Variants in LAMA1 observed in about 807,000 individuals in gnomAD.
The protein encoded by LAMA1 is laminin subunit alpha-1.
A neutral mutation model predicts 348.7 loss-of-function variants in LAMA1; 219 were observed. The ratio of observed to expected loss-of-function variants is 0.63; its 90% CI spans 0.56 to 0.70. The LOEUF (loss-of-function observed/expected upper bound fraction) is 0.70, where lower values mean the gene tolerates loss of function less well. LAMA1 is among the 30% of genes least tolerant of loss of function. The probability of loss-of-function intolerance (pLI) is 0.00; values close to 1 mark genes in which losing one functional copy is unlikely to be tolerated. For synonymous variants in LAMA1, 1,487 were observed against 1,491.0 expected (o/e 1.00, Z 0.06); for missense variants, 3,744 against 3,888.0 (o/e 0.96, Z 0.99).
At chr18:7,046,407 G>T in intron 5 of LAMA1, 40 bp from the exon 6 acceptor site, 3 of 1,217,688 alleles carry the variant, frequency 2.5e-6, no homozygotes, top group South Asian at 1.3e-5. Context: ...TTAAAACCTA[G>T]ATTTCAGTGA....
At chr18:7,113,307 G>A (rs1477652679) in intron 1 of LAMA1, among the ~76,000 whole-genome samples, 1 of 152,226 alleles carries the variant, frequency 6.6e-6, no homozygotes, top group Non-Finnish European at 1.5e-5. Flanking sequence ...ATAGGTGCAG[G>A]CGTATCCCAG....
At chr18:7,027,154 T>C (rs1055262950) in intron 16 of LAMA1, among the ~76,000 whole-genome samples, 14 of 152,086 alleles carry the variant, frequency 9.2e-5, no homozygotes, top group Admixed American at 7.2e-4. Flanking sequence ...CAGGACATAA[T>C]TGGGTCAACT....
At chr18:7,057,396 G>A (rs933799876) in intron 3 of LAMA1, among the ~76,000 whole-genome samples, 6 of 151,692 alleles carry the variant, frequency 4.0e-5, no homozygotes, top group African/African-American at 1.2e-4. Context: ...CTGAGACAAC[G>A]GATAAGCCCT....
rs139986461 is a variant in LAMA1, at chr18:6,990,160, T to C, written c.5168+2401A>G. On this transcript the variant is annotated intron_variant, in intron 36 of 62. Transcript: ENST00000389658. ...AAAATTTGACCTCTATTTTAAACTT[T>C]CTTATTGTATTTAAAGTGCATATTC... 1.6e-3 allele frequency among the ~76,000 whole-genome samples: 241 copies of C among 152,306 alleles called. 3 individuals carry two copies. Among genetic ancestry groups the C allele is most frequent in the Non-Finnish European group, 1.0e-3 (71 of 68,024 alleles).
At chr18:7,117,159 T>C (rs1673487726) in intron 1 of LAMA1, among the ~76,000 whole-genome samples, 1 of 152,170 alleles carries the variant, frequency 6.6e-6, no homozygotes, top group South Asian at 2.1e-4. Context: ...CCCCGAGGAA[T>C]CCGCCCTTTC....
At position 7,022,367 on chromosome 18, in the gene LAMA1, T is replaced by A. The variant is rs138098786; in HGVS notation, c.2701+797A>T. 3.0e-3 allele frequency among the ~76,000 whole-genome samples: 450 copies of A among 152,326 alleles called. 2 individuals are homozygous for A. The highest frequency in any genetic ancestry group is 0.01 in the African/African-American group (427 of 41,560). ...TGTTATCATAATTATCCTGGTATGATAGCCAGTCAAGGTGGCCACCTGCTG... is the reference window on the plus strand; with the variant it reads ...TGTTATCATAATTATCCTGGTATGAAAGCCAGTCAAGGTGGCCACCTGCTG... On this transcript the variant is annotated intron_variant, in intron 19 of 62. Transcript: ENST00000389658.
intron 1 of LAMA1, among the ~76,000 whole-genome samples, chr18:7,106,022 A>T (rs1312004843): frequency 1.3e-5 from 2 of 152,224 alleles, no homozygotes; most frequent in Non-Finnish European, 2.9e-5. Context: ...CACTGATCCA[A>T]CGTGGTCTCT....
intron 3 of LAMA1, among the ~76,000 whole-genome samples, chr18:7,058,731 T>G (rs867384700): frequency 6.6e-6 from 1 of 152,194 alleles, no homozygotes; most frequent in African/African-American, 2.4e-5. Context: ...CCTCCAGAAC[T>G]GTGAGGACAT....
chr18:7,015,691 G>C (rs763170553), intron 22 of LAMA1, 31 bp downstream of exon 22: 2 of 1,612,304 alleles, frequency 1.2e-6, no homozygotes, highest in Non-Finnish European at 1.7e-6. Context: ...GCAACTCTCA[G>C]TTAAGCAAGA....
intron 3 of LAMA1, chr18:7,079,707 G>A (rs2058185030): frequency 4.1e-6 from 2 of 486,526 alleles, no homozygotes; most frequent in Non-Finnish European, 7.5e-6. Flanking sequence ...ACCCTGGATG[G>A]ATGAGTGTGC....
rs185709317 is a variant in LAMA1, at chr18:6,986,081, G to A, written c.5379+56C>T. ...CCAGGGCTCACTTTTAATTGCTTAC[G>A]TTGGAGTATTTTGTTACCTGTTCTA... is the stretch of plus-strand genomic sequence containing the variant. On this transcript the variant is annotated intron_variant, in intron 37 of 62. Transcript: ENST00000389658. 2.8e-3 allele frequency: 4,481 copies of A among 1,589,962 alleles called. 6 individuals carry two copies. Among genetic ancestry groups the A allele is most frequent in the Non-Finnish European group, 3.4e-3 (3,956 of 1,158,962 alleles).
In LAMA1 at chr18:7,065,060, C is replaced by T. The variant is rs182131867; in HGVS notation, c.346-14124G>A. On this transcript the variant is annotated intron_variant, in intron 3 of 62. Coordinates refer to ENST00000389658, the MANE Select transcript of LAMA1 (RefSeq NM_005559.4). ...CATCCTGGCTAACAGGGTGAATCCTCGTCTCTACTAAAAATACAAAAAATT... is the reference window on the plus strand; with the variant it reads ...CATCCTGGCTAACAGGGTGAATCCTTGTCTCTACTAAAAATACAAAAAATT... Among the ~76,000 whole-genome samples the T allele has an allele frequency of 4.1e-4, 62 of 151,844 alleles. No homozygotes were observed. The East Asian group carries it at 7.8e-3, about 19-fold the overall frequency.
In LAMA1 at chr18:7,034,656, C is replaced by A. The variant is rs767010895; in HGVS notation, c.1874G>T (p.Gly625Val). ...CTCTTCATAAGGCTGCAATGACAGA[C>A]CCTCAGCCTGTGTGCTTAAAGTGAG... ...NGLTLSTQAE[G>V]LSLQPYEEYL... Residue 625 changes from glycine (G) to valine (V), a missense_variant, in exon 14 of 63, where the codon GGT becomes GTT. Physicochemically the swap from Gly to Val is moderately radical, Grantham distance 109. This residue lies in a region of LAMA1 where 1,529 missense variants were observed against 1,689.4 expected (regional missense o/e 0.91). Coordinates refer to ENST00000389658, the MANE Select transcript of LAMA1 (RefSeq NM_005559.4). 4 of 1,614,196 alleles carry A rather than the reference C, an allele frequency of 2.5e-6. No individual in the cohort carries two copies. The highest frequency in any genetic ancestry group is 3.4e-6 in the Non-Finnish European group (4 of 1,180,024).
chr18:6,974,167 AT>A (rs2057670906), intron 46 of LAMA1, among the ~76,000 whole-genome samples: 1 of 152,064 alleles, frequency 6.6e-6, no homozygotes, highest in Non-Finnish European at 1.5e-5. Context: ...CTGATTGTTG[AT>A]TTTGGTATCA....
chr18:7,116,547 C>G (rs1418341530), intron 1 of LAMA1, among the ~76,000 whole-genome samples: 1 of 152,214 alleles, frequency 6.6e-6, no homozygotes, highest in Admixed American at 6.5e-5. Context: ...AATGCCCAAA[C>G]ACACGTTTCC....
intron 1 of LAMA1, among the ~76,000 whole-genome samples, chr18:7,080,927 C>T (rs1156474862): frequency 6.6e-6 from 1 of 152,192 alleles, no homozygotes; most frequent in Admixed American, 6.5e-5. Context: ...CTACTTATGT[C>T]TCCAATTCAC....
chr18:6,942,489 C>G (rs1802528760), intron 62 of LAMA1, among the ~76,000 whole-genome samples: 1 of 152,028 alleles, frequency 6.6e-6, no homozygotes, highest in Non-Finnish European at 1.5e-5. Flanking sequence ...TCTCGGCTCA[C>G]TGCAACCTCT....
At chr18:6,955,878 G>A (rs956166248) in intron 56 of LAMA1, 1 of 352,968 alleles carries the variant, frequency 2.8e-6, no homozygotes. Flanking sequence ...GGTGCCCACA[G>A]GTGACATGTT....
intron 53 of LAMA1, 192 bp from the exon 54 acceptor site, chr18:6,959,684 C>G: frequency 1.6e-6 from 1 of 631,032 alleles, no homozygotes; most frequent in Admixed American, 2.4e-5. Flanking sequence ...AATTTATATT[C>G]TGCATTATGC....
Sources: gnomAD v4.1 joint callset for allele counts (sites outside exome capture counted in the v4.1 genomes callset) on GRCh38, gnomAD v4.1.1 for gene constraint, gnomAD v4.1.1 regional missense constraint, MANE v1.5 for transcripts, NCBI Gene and HGNC (gene_info 2026-07-23, HGNC 2026-07-21) for gene names.